The following CFAP299 variants were observed in gnomAD, a reference collection of about 807,000 sequenced individuals.
The protein encoded by CFAP299 is cilia and flagella associated protein 299, also known as cilia- and flagella-associated protein 299.
Under a neutral mutation model 27.0 loss-of-function variants are expected in CFAP299, and 21 were observed. The observed-to-expected ratio is 0.78, with a 90% CI of 0.55 to 1.12. CFAP299 has a LOEUF of 1.12. Among genes scored for constraint, CFAP299 ranks in the 50% most tolerant of loss-of-function variants. CFAP299 has a pLI of 0.00. For synonymous variants in CFAP299, 104 were observed against 98.1 expected, an observed-to-expected ratio of 1.06 and a Z score of -0.36; for missense variants, 310 against 276.6, an observed-to-expected ratio of 1.12 and a Z score of -0.86.
chr4:80,389,152 G>C (rs894209432), intron 2 of CFAP299, among the ~76,000 whole-genome samples: 3 of 151,960 alleles, frequency 2.0e-5, no homozygotes, highest in African/African-American at 7.3e-5. Context: ...AGCTCAACTG[G>C]GTCATTTATT....
chr4:80,429,267 A>G (rs976578353), intron 2 of CFAP299, among the ~76,000 whole-genome samples: 1 of 152,228 alleles, frequency 6.6e-6, no homozygotes, highest in Non-Finnish European at 1.5e-5. Flanking sequence ...ATAAGGGCAC[A>G]TTTAATTGAA....
At chr4:80,944,319 G>A (rs535686626) in intron 4 of CFAP299, among the ~76,000 whole-genome samples, 6 of 151,242 alleles carry the variant, frequency 4.0e-5, no homozygotes, top group South Asian at 4.2e-4. Flanking sequence ...TTTGGCTCAC[G>A]GTAACCACTC....
At chr4:80,859,078 G>A (rs13108575) in intron 3 of CFAP299, among the ~76,000 whole-genome samples, 36,968 of 151,886 alleles carry the variant, frequency 0.24, 6,588 homozygotes, top group African/African-American at 0.5. Context: ...GAGTTGCTTT[G>A]TGAATCTGGG....
intron 2 of CFAP299, among the ~76,000 whole-genome samples, chr4:80,573,171 G>T (rs1451686674): frequency 4.6e-5 from 7 of 152,062 alleles, no homozygotes; most frequent in Non-Finnish European, 8.8e-5. Flanking sequence ...ATTTTAACTG[G>T]AATGAGATGA....
At chr4:80,368,560 G>A (rs74427976) in intron 2 of CFAP299, among the ~76,000 whole-genome samples, 7,576 of 152,130 alleles carry the variant, frequency 0.05, 245 homozygotes, top group Middle Eastern at 0.18. Context: ...GGGAGGTTGA[G>A]ATAGAACTGC....
chr4:80,824,393 T>C (rs757511846), intron 3 of CFAP299, among the ~76,000 whole-genome samples: 23 of 152,136 alleles, frequency 1.5e-4, no homozygotes, highest in Non-Finnish European at 2.6e-4. Context: ...AACCTTGTTC[T>C]TCAGGTATTG....
intron 2 of CFAP299, among the ~76,000 whole-genome samples, chr4:80,445,014 T>C (rs1728548089): frequency 6.6e-6 from 1 of 152,270 alleles, no homozygotes; most frequent in Non-Finnish European, 1.5e-5. Flanking sequence ...CATTAAAAAG[T>C]CAGGAAACAA....
chr4:80,705,412 C>A (rs565564663), intron 3 of CFAP299, among the ~76,000 whole-genome samples: 1 of 151,780 alleles, frequency 6.6e-6, no homozygotes, highest in African/African-American at 2.4e-5. Flanking sequence ...ATTAAATAAA[C>A]GTATAAGCTA....
In CFAP299 at chr4:80,504,462, CATATATATATATATATATATAT is replaced by C. The variant is rs56729877; in HGVS notation, c.243-78608_243-78587del. Among the ~76,000 whole-genome samples the C allele has an allele frequency of 1.1e-3, 43 of 37,762 alleles. 2 individuals carry two copies. The highest frequency in any genetic ancestry group is 3.1e-3 in the South Asian group (3 of 980). 24.8% of individuals were successfully genotyped at this position (37,762 alleles called of 152,430 possible). On this transcript the variant is annotated intron_variant, in intron 2 of 5. Coordinates refer to ENST00000358105, the MANE Select transcript of CFAP299 (RefSeq NM_152770.3). Reference sequence around the variant, plus strand: ...TACTGAAATTTTGCTTAAAATCTCACATATATATATATATATATATATATATATATATATATATATATATTTT... The same window carrying C: ...TACTGAAATTTTGCTTAAAATCTCACATATATATATATATATATATATTTT...
chr4:80,826,785 A>C (rs1015450042), intron 3 of CFAP299, among the ~76,000 whole-genome samples: 1 of 151,946 alleles, frequency 6.6e-6, no homozygotes, highest in African/African-American at 2.4e-5. Context: ...GACATTGTCC[A>C]TGATAGTTTA....
chr4:80,803,684 ATTAT>A, intron 3 of CFAP299, among the ~76,000 whole-genome samples: 1 of 150,238 alleles, frequency 6.7e-6, no homozygotes, highest in African/African-American at 2.4e-5. Context: ...AATTAATTTT[ATTAT>A]TTAATATACA....
rs570403068 is a variant in CFAP299, at chr4:80,545,463, T to G, written c.243-37630T>G. Among the ~76,000 whole-genome samples the G allele has an allele frequency of 3.3e-3, 503 of 152,148 alleles. 1 individual carries two copies. Among genetic ancestry groups the G allele is most frequent in the Non-Finnish European group, 5.8e-3 (395 of 67,968 alleles). ...GAAGAAAAAAAAACCCTCAGACTATTACAAACATCTCTGTGCTTACAAATT... is the reference window on the plus strand; with the variant it reads ...GAAGAAAAAAAAACCCTCAGACTATGACAAACATCTCTGTGCTTACAAATT... On this transcript the variant is annotated intron_variant, in intron 2 of 5. Transcript: ENST00000358105.
At chr4:80,601,173 T>A (rs1194906224) in intron 3 of CFAP299, among the ~76,000 whole-genome samples, 1 of 152,188 alleles carries the variant, frequency 6.6e-6, no homozygotes, top group East Asian at 1.9e-4. Context: ...AAAGAGGTGA[T>A]AACTTATTAT....
intron 2 of CFAP299, chr4:80,420,097 G>C (rs1727220120): frequency 2.3e-6 from 1 of 428,022 alleles, no homozygotes; most frequent in Admixed American, 2.5e-5. Flanking sequence ...ATAGATCATG[G>C]GAGGGGGAGA....
At chr4:80,911,277 C>A (rs1193241422) in intron 4 of CFAP299, among the ~76,000 whole-genome samples, 1 of 114,350 alleles carries the variant, frequency 8.7e-6, no homozygotes, top group Non-Finnish European at 1.9e-5. Flanking sequence ...ATTATTTTTT[C>A]TACCCATTTT....
At chr4:80,349,147 C>A (rs1244149407) in intron 1 of CFAP299, among the ~76,000 whole-genome samples, 2 of 152,130 alleles carry the variant, frequency 1.3e-5, no homozygotes, top group Non-Finnish European at 2.9e-5. Flanking sequence ...GAAGCTGGCA[C>A]CTTTAGTCAC....
Position 80,445,843 on chromosome 4 carries a change from C to T in CFAP299, c.242+82959C>T, listed in dbSNP as rs1038342496. ...ATAATTTGTTGGCATCTATTGAGAT[C>T]GTATGATTTTCTTTGACATAGTTAA... On this transcript the variant is annotated intron_variant, in intron 2 of 5. Transcript: ENST00000358105. 3.3e-5 allele frequency among the ~76,000 whole-genome samples: 5 copies of T among 152,046 alleles called. No individual in the cohort carries two copies. In the South Asian group the frequency reaches 6.2e-4, roughly 19 times the overall value.
intron 3 of CFAP299, among the ~76,000 whole-genome samples, chr4:80,672,645 TG>T (rs1324180515): frequency 6.6e-6 from 1 of 152,112 alleles, no homozygotes; most frequent in East Asian, 1.9e-4. Flanking sequence ...GGAATTTTTT[TG>T]TTGGTTGGCT....
At chr4:80,490,896 G>C (rs969120147) in intron 2 of CFAP299, among the ~76,000 whole-genome samples, 5 of 150,650 alleles carry the variant, frequency 3.3e-5, no homozygotes, top group African/African-American at 1.2e-4. Flanking sequence ...TATAAATTTT[G>C]ATTTCTACAG....
Sources: allele counts gnomAD v4.1 joint callset (sites outside exome capture counted in the v4.1 genomes callset), GRCh38; gene constraint gnomAD v4.1.1; transcripts MANE v1.5; gene names NCBI Gene and HGNC (gene_info 2026-07-23, HGNC 2026-07-21).